Variants in A3GALT2 observed in about 807,000 individuals in gnomAD.
A3GALT2 encodes alpha-1,3-galactosyltransferase 2.
A3GALT2 carries 14 observed loss-of-function variants against 16.6 expected under a neutral mutation model. The observed-to-expected ratio is 0.84, with a 90% confidence interval of 0.56 to 1.32. The LOEUF (loss-of-function observed/expected upper bound fraction) is 1.32. A3GALT2 is among the 40% of genes most tolerant of loss of function. The pLI, the probability that A3GALT2 is intolerant of heterozygous loss-of-function variation, is 0.00. For missense variants in A3GALT2, 600 were observed against 490.9 expected (o/e 1.22, Z -2.10); for synonymous variants, 253 against 218.0 (o/e 1.16, Z -1.42).
intron 1 of A3GALT2, chr1:33,313,855 G>A (rs958836828): frequency 6.6e-6 from 1 of 152,164 alleles, no homozygotes; most frequent in Non-Finnish European, 1.5e-5. Context: ...AAGAACTCCT[G>A]CCTTAGGGCT....
At chr1:33,311,709 C>T (rs76516034) in intron 4 of A3GALT2, among the ~76,000 whole-genome samples, 3,455 of 152,290 alleles carry the variant, frequency 0.023, 55 homozygotes, top group Middle Eastern at 0.054. Context: ...ACACTCCCCT[C>T]CTCTCACCAC....
intron 4 of A3GALT2, among the ~76,000 whole-genome samples, chr1:33,308,451 G>T (rs1009469963): frequency 5.3e-5 from 8 of 152,136 alleles, no homozygotes; most frequent in African/African-American, 1.9e-4. Context: ...TGTGGCCCAG[G>T]CTGGAGTACA....
At chr1:33,310,436 T>A (rs185985913) in intron 4 of A3GALT2, among the ~76,000 whole-genome samples, 2 of 152,358 alleles carry the variant, frequency 1.3e-5, no homozygotes, top group Admixed American at 1.3e-4. Context: ...TCTTTCACTA[T>A]ATAGATAACG....
Position 33,307,161 on chromosome 1 carries a change from G to T in A3GALT2, c.628C>A (p.Pro210Thr). ...VDQHFSGTFG[P>T]EALAESVAQL... ...GCCACCGACTCGGCCAGCGCCTCGGGCCCAAAAGTGCCGCTGAAGTGCTGG... is the reference window on the plus strand; with the variant it reads ...GCCACCGACTCGGCCAGCGCCTCGGTCCCAAAAGTGCCGCTGAAGTGCTGG... Residue 210 changes from proline to threonine, a missense_variant, in exon 5 of 5, where the codon CCC (proline) becomes ACC (threonine). Transcript: ENST00000442999. 6.4e-7 allele frequency: 1 copy of T among 1,552,670 alleles called. No individual in the cohort carries two copies.
intron 1 of A3GALT2, among the ~76,000 whole-genome samples, chr1:33,316,390 C>T (rs1646262189): frequency 6.6e-6 from 1 of 152,008 alleles, no homozygotes; most frequent in Non-Finnish European, 1.5e-5. Flanking sequence ...AAAGGTATTT[C>T]CTCTGGGGAG....
chr1:33,307,441 C>T lies in A3GALT2; in HGVS notation c.348G>A (p.Lys116=), dbSNP rs760563986. 30 of 1,517,670 alleles carry T rather than the reference C, an allele frequency of 2.0e-5. No homozygotes were observed. Among genetic ancestry groups the T allele is most frequent in the Non-Finnish European group, 2.5e-5 (29 of 1,143,836 alleles). The allele number at this position is 1,517,670 out of a possible 1,614,324, so 94.0% of individuals were successfully genotyped here. A position where few individuals can be genotyped will look rare whatever the true frequency, so the allele number is the denominator to read the frequency against. Residue 116 remains lysine, a synonymous_variant, in exon 5 of 5, where the codon AAG becomes AAA. Transcript: ENST00000442999. ...CCGTCTCCAGGAAGCGCTCCAGGTA[C>T]TTCTCCAGGTATCTAAGGGCGCGGC... The part of the protein sequence containing the change: ...TIFAVGRYLE[K]YLERFLETAE...
chr1:33,317,381 T>C (rs1646266200), intron 1 of A3GALT2, among the ~76,000 whole-genome samples: 1 of 152,236 alleles, frequency 6.6e-6, no homozygotes, highest in African/African-American at 2.4e-5. Context: ...TTCTCCTCAA[T>C]TTTCTGTAAT....
chr1:33,315,692 A>G (rs988800805), intron 1 of A3GALT2, among the ~76,000 whole-genome samples: 2 of 152,270 alleles, frequency 1.3e-5, no homozygotes, highest in African/African-American at 4.8e-5. Flanking sequence ...TTCAATATTC[A>G]TCCACTTTGA....
In A3GALT2 at chr1:33,306,937, C is replaced by G; in HGVS notation, c.852G>C (p.Leu284=). 1 of 1,513,550 alleles carries G rather than the reference C, an allele frequency of 6.6e-7. No homozygotes were observed. The highest frequency in any genetic ancestry group is 8.8e-7 in the Non-Finnish European group (1 of 1,137,292). 93.8% of individuals were successfully genotyped at this position (1,513,550 alleles called of 1,614,324 possible). Residue 284 remains leucine (L), a synonymous_variant, in exon 5 of 5, where the codon CTG becomes CTC. Coordinates refer to ENST00000442999, the MANE Select transcript of A3GALT2 (RefSeq NM_001080438.1). Reference sequence around the variant, plus strand: ...GGCTCTCGTCGTGCCAGCGCGCCTCCAGGCCGCGCGCGCGGTCCCAGTCCA... The same window carrying G: ...GGCTCTCGTCGTGCCAGCGCGCCTCGAGGCCGCGCGCGCGGTCCCAGTCCA... ...GGLDWDRARG[L]EARWHDESHL...
At position 33,312,855 on chromosome 1, in the gene A3GALT2, A is replaced by G. The variant is rs1310204204; in HGVS notation, c.59T>C (p.Leu20Pro). The stretch of plus-strand genomic sequence containing the variant: ...AAACAGGCCTAAGAGGCCAAGTGTA[A>G]GTAGGATCTGCCGCCAGAAGATTCT... Reference protein sequence around the residue: ...WKRIFWRQILLTLGLLGLFLY... With the variant: ...WKRIFWRQILPTLGLLGLFLY... Residue 20 changes from leucine to proline, a missense_variant, in exon 2 of 5, where the codon CTT (leucine) becomes CCT (proline). Coordinates refer to ENST00000442999, the MANE Select transcript of A3GALT2 (RefSeq NM_001080438.1). 1 of 1,607,194 alleles carries G rather than the reference A, an allele frequency of 6.2e-7. No homozygotes were observed. Among genetic ancestry groups the G allele is most frequent in the South Asian group, 1.1e-5 (1 of 89,306 alleles).
At chr1:33,317,786 T>C (rs1364452409) in intron 1 of A3GALT2, among the ~76,000 whole-genome samples, 1 of 152,240 alleles carries the variant, frequency 6.6e-6, no homozygotes, top group East Asian at 1.9e-4. Flanking sequence ...TGGACTTTTT[T>C]GGAGTTTTGA....
intron 1 of A3GALT2, among the ~76,000 whole-genome samples, chr1:33,317,562 C>G (rs544200552): frequency 1.6e-4 from 24 of 152,342 alleles, no homozygotes; most frequent in Non-Finnish European, 3.1e-4. Context: ...GTAACACTGT[C>G]AGTGCTCACA....
chr1:33,308,105 G>A (rs1037153950), intron 4 of A3GALT2, among the ~76,000 whole-genome samples: 2 of 100,228 alleles, frequency 2.0e-5, no homozygotes, highest in Admixed American at 1.3e-4. Context: ...TTGGAACTCC[G>A]GACCCTCTAG....
intron 1 of A3GALT2, among the ~76,000 whole-genome samples, chr1:33,316,423 GA>G (rs1295919635): frequency 6.6e-6 from 1 of 151,972 alleles, no homozygotes; most frequent in East Asian, 1.9e-4. Context: ...ATTTTTATTT[GA>G]AAAAACAAAA....
Position 33,312,189 on chromosome 1 carries a change from C to T in A3GALT2, c.198G>A (p.Trp66Ter). ...RDNFTGALRP[W>*]ARPEVLTCTP... ...TACAGGTCAGAACTTCAGGCCGGGCCCTGGCCAGGGCAGGGATGGGAAATG... is the reference window on the plus strand; with the variant it reads ...TACAGGTCAGAACTTCAGGCCGGGCTCTGGCCAGGGCAGGGATGGGAAATG... The change falls in exon 4 of 5, where the codon TGG becomes TGA. Residue 66 changes from tryptophan (W) to a stop codon, truncating the protein, a stop_gained and splice_region_variant. Transcript: ENST00000442999. LOFTEE classifies it high-confidence loss of function. The T allele has an allele frequency of 6.2e-7, 1 of 1,613,154 alleles. No individual in the cohort carries two copies. Among genetic ancestry groups the T allele is most frequent in the Non-Finnish European group, 8.5e-7 (1 of 1,179,736 alleles).
At chr1:33,309,746 G>T (rs868764456) in intron 4 of A3GALT2, among the ~76,000 whole-genome samples, 1 of 151,958 alleles carries the variant, frequency 6.6e-6, no homozygotes, top group African/African-American at 2.4e-5. Flanking sequence ...TCAGACGATG[G>T]GCGGCCGGGC....
intron 1 of A3GALT2, chr1:33,314,273 G>A (rs1211146124): frequency 6.6e-6 from 1 of 152,120 alleles, no homozygotes; most frequent in African/African-American, 2.4e-5. Flanking sequence ...ATGTTGGCCA[G>A]GCTGGTCTCA....
At chr1:33,311,106 T>C (rs1031548489) in intron 4 of A3GALT2, among the ~76,000 whole-genome samples, 6 of 152,176 alleles carry the variant, frequency 3.9e-5, no homozygotes, top group African/African-American at 1.2e-4. Flanking sequence ...CCAAAGCAAC[T>C]AGTTCCACTT....
At chr1:33,316,042 A>G (rs1271375458) in intron 1 of A3GALT2, among the ~76,000 whole-genome samples, 1 of 152,198 alleles carries the variant, frequency 6.6e-6, no homozygotes, top group Admixed American at 6.5e-5. Flanking sequence ...TATGAGGCAA[A>G]TTGGAGAGTA....
Sources: allele counts gnomAD v4.1 joint callset (sites outside exome capture counted in the v4.1 genomes callset), GRCh38; gene constraint gnomAD v4.1.1; transcripts MANE v1.5; gene names NCBI Gene and HGNC (gene_info 2026-07-23, HGNC 2026-07-21).